TMEM232: variants seen among roughly 807,000 people sequenced by gnomAD.
TMEM232 encodes transmembrane protein 232.
A neutral mutation model predicts 78.8 loss-of-function variants in TMEM232; 80 were observed. The observed-to-expected ratio is 1.01, with a 90% confidence interval of 0.85 to 1.22. The LOEUF (loss-of-function observed/expected upper bound fraction) is 1.22, where lower values mean the gene tolerates loss of function less well. TMEM232 is among the 50% of genes most tolerant of loss of function. The probability of loss-of-function intolerance (pLI) is 0.00; values close to 1 mark genes in which losing one functional copy is unlikely to be tolerated. For missense variants in TMEM232, 881 were observed against 742.2 expected, an observed-to-expected ratio of 1.19 and a Z score of -2.17; for synonymous variants, 297 against 254.3, an observed-to-expected ratio of 1.17 and a Z score of -1.60.
At chr5:110,461,410 C>A (rs59351191) in intron 12 of TMEM232, among the ~76,000 whole-genome samples, 1,536 of 152,234 alleles carry the variant, frequency 0.01, 33 homozygotes, top group African/African-American at 0.035. Flanking sequence ...AGAAAAGTTG[C>A]AATCCAGCAG....
chr5:110,426,836 A>C (rs2112649948), intron 12 of TMEM232, among the ~76,000 whole-genome samples: 1 of 152,170 alleles, frequency 6.6e-6, no homozygotes, highest in African/African-American at 2.4e-5. Context: ...TGGTATTCAA[A>C]GAATTGTGCC....
intron 11 of TMEM232, among the ~76,000 whole-genome samples, chr5:110,561,649 A>G (rs535524127): frequency 3.9e-5 from 6 of 152,250 alleles, no homozygotes; most frequent in Admixed American, 2.0e-4. Context: ...TAAGAGGCTT[A>G]ACACAACCAC....
intron 11 of TMEM232, among the ~76,000 whole-genome samples, chr5:110,557,248 G>A (rs1233699545): frequency 6.6e-6 from 1 of 152,082 alleles, no homozygotes; most frequent in Non-Finnish European, 1.5e-5. Flanking sequence ...TCTTAAAACG[G>A]CTATTTCCTC....
At chr5:110,499,358 C>T (rs747955188) in intron 12 of TMEM232, among the ~76,000 whole-genome samples, 1 of 152,076 alleles carries the variant, frequency 6.6e-6, no homozygotes, top group Non-Finnish European at 1.5e-5. Context: ...GAGGCCTGAT[C>T]CTCACACCTG....
intron 3 of TMEM232, among the ~76,000 whole-genome samples, chr5:110,396,037 G>T (rs956036346): frequency 6.6e-6 from 1 of 152,140 alleles, no homozygotes; most frequent in African/African-American, 2.4e-5. Flanking sequence ...CTGAGACTGG[G>T]TAATTTATAA....
chr5:110,563,572 T>C (rs908174705), intron 11 of TMEM232, among the ~76,000 whole-genome samples: 2 of 151,944 alleles, frequency 1.3e-5, no homozygotes, highest in African/African-American at 4.8e-5. Flanking sequence ...CGCCATTTTC[T>C]ATTTCTGTTA....
intron 11 of TMEM232, among the ~76,000 whole-genome samples, chr5:110,537,291 A>ATATAT (rs1554102698): frequency 2.2e-5 from 3 of 136,370 alleles, no homozygotes; most frequent in African/African-American, 9.4e-5. Context: ...ATATATATAT[A>ATATAT]TTTTTTTTTT....
intron 12 of TMEM232, among the ~76,000 whole-genome samples, chr5:110,506,402 A>C (rs752131646): frequency 6.6e-6 from 1 of 151,834 alleles, no homozygotes; most frequent in South Asian, 2.1e-4. Flanking sequence ...TCACCATTTT[A>C]CTCCCCAATA....
At chr5:110,675,211 G>GT (rs577884230) in intron 1 of TMEM232, among the ~76,000 whole-genome samples, 2 of 151,720 alleles carry the variant, frequency 1.3e-5, no homozygotes, top group African/African-American at 4.8e-5. Flanking sequence ...TGCCCAGCTA[G>GT]TTTTTTTATT....
At chr5:110,614,869 A>G (rs1782733054) in intron 8 of TMEM232, among the ~76,000 whole-genome samples, 1 of 152,052 alleles carries the variant, frequency 6.6e-6, no homozygotes, top group Admixed American at 6.6e-5. Flanking sequence ...ATTTGCACCA[A>G]TGAGAACCTC....
In TMEM232 at chr5:110,688,779, C is replaced by T. The variant is rs192151087; in HGVS notation, c.-12-21415G>A. Among the ~76,000 whole-genome samples the T allele has an allele frequency of 4.2e-4, 64 of 152,284 alleles. No homozygotes were observed. The East Asian group carries it at 7.3e-3, about 17-fold the overall frequency. On this transcript the variant is annotated intron_variant, in intron 1 of 13. Transcript: ENST00000455884. ...GAACTGGGTCACACAAACCTGCCTCCACCTTTTGGCTGCTAAATAAGATGG... is the reference window on the plus strand; with the variant it reads ...GAACTGGGTCACACAAACCTGCCTCTACCTTTTGGCTGCTAAATAAGATGG...
intron 2 of TMEM232, among the ~76,000 whole-genome samples, chr5:110,650,987 G>A (rs1393837369): frequency 6.6e-6 from 1 of 152,038 alleles, no homozygotes; most frequent in Non-Finnish European, 1.5e-5. Flanking sequence ...AAAAATAAAT[G>A]TTGACAAATA....
intron 12 of TMEM232, among the ~76,000 whole-genome samples, chr5:110,495,692 T>C (rs1463732722): frequency 6.6e-6 from 1 of 151,812 alleles, no homozygotes; most frequent in Non-Finnish European, 1.5e-5. Context: ...ATATTTTCTT[T>C]GACTCCAGGA....
At chr5:110,587,990 A>G (rs944825126) in intron 10 of TMEM232, among the ~76,000 whole-genome samples, 5 of 151,828 alleles carry the variant, frequency 3.3e-5, no homozygotes, top group African/African-American at 1.2e-4. Flanking sequence ...TTCCATGTAT[A>G]AAAACCACAA....
chr5:110,482,258 A>ATGAAAGAAAAT (rs1763949260), intron 12 of TMEM232, among the ~76,000 whole-genome samples: 1 of 152,096 alleles, frequency 6.6e-6, no homozygotes, highest in African/African-American at 2.4e-5. Flanking sequence ...TTACTGAAAC[A>ATGAAAGAAAAT]TGAAAGAAAA....
At chr5:110,444,960 C>G (rs988689737) in intron 12 of TMEM232, among the ~76,000 whole-genome samples, 1 of 151,862 alleles carries the variant, frequency 6.6e-6, no homozygotes, top group Non-Finnish European at 1.5e-5. Flanking sequence ...TCAATTTTAT[C>G]TTCTAAACCT....
At chr5:110,669,685 C>A (rs746613409) in intron 1 of TMEM232, among the ~76,000 whole-genome samples, 1 of 151,956 alleles carries the variant, frequency 6.6e-6, no homozygotes, top group Non-Finnish European at 1.5e-5. Context: ...CCAAAAAAGA[C>A]AATTTGAGAC....
intron 12 of TMEM232, among the ~76,000 whole-genome samples, chr5:110,426,554 C>T (rs1194095732): frequency 2.0e-5 from 3 of 151,936 alleles, no homozygotes; most frequent in Non-Finnish European, 4.4e-5. Flanking sequence ...TCTCAGGAGA[C>T]ATGTTGAGAG....
At chr5:110,506,269 T>C (rs575629258) in intron 12 of TMEM232, among the ~76,000 whole-genome samples, 1 of 152,122 alleles carries the variant, frequency 6.6e-6, no homozygotes, top group Non-Finnish European at 1.5e-5. Flanking sequence ...TTTTAGGGGG[T>C]TGTTTTTGTT....
Sources: allele counts gnomAD v4.1 joint callset (sites outside exome capture counted in the v4.1 genomes callset), GRCh38; gene constraint gnomAD v4.1.1; transcripts MANE v1.5; gene names NCBI Gene and HGNC (gene_info 2026-07-23, HGNC 2026-07-21).